The following VAPB variants were observed in gnomAD, a reference collection of about 807,000 sequenced individuals.
VAPB encodes vesicle-associated membrane protein-associated protein B/C.
Under a neutral mutation model 25.6 loss-of-function variants are expected in VAPB, and 7 were observed. The observed-to-expected ratio is 0.27, with a 90% CI of 0.16 to 0.51. VAPB has a LOEUF of 0.51. Among genes scored for constraint, VAPB ranks in the 20% least tolerant of loss-of-function variants. VAPB has a pLI of 0.97. For missense variants in VAPB, 266 were observed against 301.3 expected, an observed-to-expected ratio of 0.88 and a Z score of 0.87; for synonymous variants, 112 against 109.2, an observed-to-expected ratio of 1.03 and a Z score of -0.16.
Position 58,441,103 on chromosome 20 carries a change from T to C in VAPB, c.573+20T>C. ...TTCAAGGTAATAGTTTATTTTCTGGTAATCTACAGAAAACAAGGGCGTTTT... is the reference window on the plus strand; with the variant it reads ...TTCAAGGTAATAGTTTATTTTCTGGCAATCTACAGAAAACAAGGGCGTTTT... On this transcript the variant is annotated intron_variant, in intron 5 of 5. Coordinates refer to ENST00000475243, the MANE Select transcript of VAPB (RefSeq NM_004738.5). 1.2e-6 allele frequency: 2 copies of C among 1,612,642 alleles called. No homozygotes were observed. The highest frequency in any genetic ancestry group is 1.7e-6 in the Non-Finnish European group (2 of 1,179,076).
intron 2 of VAPB, among the ~76,000 whole-genome samples, chr20:58,419,000 A>G (rs1473556475): frequency 6.6e-6 from 1 of 152,224 alleles, no homozygotes; most frequent in African/African-American, 2.4e-5. Flanking sequence ...TGAGAATTGG[A>G]TTTCAGAATT....
intron 1 of VAPB, among the ~76,000 whole-genome samples, chr20:58,397,074 A>G (rs1035265025): frequency 1.5e-4 from 23 of 152,358 alleles, no homozygotes; most frequent in Non-Finnish European, 1.9e-4. Context: ...AAGAACATCA[A>G]TTCATTAAGA....
Position 58,450,693 on chromosome 20 carries a change from A to G in VAPB, c.*6458A>G. 2.2e-6 allele frequency: 1 copy of G among 453,960 alleles called. No homozygotes were observed. The highest frequency in any genetic ancestry group is 4.4e-6 in the Non-Finnish European group (1 of 226,750). The allele number at this position is 453,960 out of a possible 1,614,324, so 28.1% of individuals were successfully genotyped here. A position where few individuals can be genotyped will look rare whatever the true frequency, so the allele number is the denominator to read the frequency against. ...TGAAAAAAGATTCCCACAGTTTCTG[A>G]TGTGTGTGTTTATAGTCTTCAATGT... On this transcript the variant is annotated 3_prime_UTR_variant, in exon 6 of 6. Transcript: ENST00000475243.
chr20:58,424,346 G>T (rs574255013), intron 2 of VAPB, among the ~76,000 whole-genome samples: 1 of 152,132 alleles, frequency 6.6e-6, no homozygotes, highest in South Asian at 2.1e-4. Flanking sequence ...GTTGAAAGCG[G>T]CCCATGTGAC....
chr20:58,437,250 G>A (rs1326678813), intron 3 of VAPB, among the ~76,000 whole-genome samples: 2 of 151,744 alleles, frequency 1.3e-5, no homozygotes, highest in South Asian at 2.1e-4. Context: ...ACAGGTGTGA[G>A]CCACTGCACC....
intron 1 of VAPB, among the ~76,000 whole-genome samples, chr20:58,410,567 C>A (rs1165319368): frequency 1.3e-5 from 2 of 152,050 alleles, no homozygotes; most frequent in Non-Finnish European, 2.9e-5. Flanking sequence ...CAGGTGTGTG[C>A]CCCCACACCT....
At chr20:58,397,818 A>G (rs1300996835) in intron 1 of VAPB, among the ~76,000 whole-genome samples, 1 of 152,224 alleles carries the variant, frequency 6.6e-6, no homozygotes, top group Admixed American at 6.5e-5. Flanking sequence ...TTAATAAACT[A>G]GAGACTTGTC....
intron 2 of VAPB, among the ~76,000 whole-genome samples, chr20:58,433,779 G>A (rs973356282): frequency 2.0e-5 from 3 of 152,238 alleles, no homozygotes; most frequent in Non-Finnish European, 4.4e-5. Flanking sequence ...CACTGTTGTG[G>A]TCAAGGCCAC....
chr20:58,414,233 C>G (rs1988466479), intron 1 of VAPB, among the ~76,000 whole-genome samples: 1 of 144,288 alleles, frequency 6.9e-6, no homozygotes, highest in South Asian at 2.3e-4. Context: ...GCTGACCCCC[C>G]AACCTCCCTC....
chr20:58,422,626 T>C (rs530079401), intron 2 of VAPB, among the ~76,000 whole-genome samples: 2 of 152,078 alleles, frequency 1.3e-5, no homozygotes, highest in African/African-American at 4.8e-5. Context: ...TTTTTAGTGC[T>C]TCAGTTAATA....
At chr20:58,433,218 G>A (rs1988964910) in intron 2 of VAPB, among the ~76,000 whole-genome samples, 1 of 152,196 alleles carries the variant, frequency 6.6e-6, no homozygotes, top group Admixed American at 6.5e-5. Context: ...GGTGAAAGGG[G>A]TGCTAGACTG....
intron 1 of VAPB, among the ~76,000 whole-genome samples, chr20:58,405,742 C>CA (rs1171410619): frequency 2.3e-5 from 1 of 43,454 alleles, no homozygotes; most frequent in Non-Finnish European, 3.8e-5. Context: ...GGCCAGGAGC[C>CA]TTTTTTTTTT....
chr20:58,436,430 C>T (rs1004521027), intron 3 of VAPB, among the ~76,000 whole-genome samples: 5 of 148,012 alleles, frequency 3.4e-5, no homozygotes, highest in Admixed American at 2.8e-4. Flanking sequence ...ACCTCCTGGG[C>T]TCAAGTGATC....
In VAPB at chr20:58,450,897, A is replaced by C. The variant is rs1465847098; in HGVS notation, c.*6662A>C. ...CATTTTGGTTTTCTGATATGTAATAAATTCATGGCTTGGCAGCTGACATGA... is the reference window on the plus strand; with the variant it reads ...CATTTTGGTTTTCTGATATGTAATACATTCATGGCTTGGCAGCTGACATGA... On this transcript the variant is annotated 3_prime_UTR_variant, in exon 6 of 6. Coordinates refer to ENST00000475243, the MANE Select transcript of VAPB (RefSeq NM_004738.5). 2.2e-6 allele frequency: 1 copy of C among 454,026 alleles called. No individual in the cohort carries two copies. The highest frequency in any genetic ancestry group is 4.4e-6 in the Non-Finnish European group (1 of 226,806). The allele number at this position is 454,026 out of a possible 1,614,324, so 28.1% of individuals were successfully genotyped here.
chr20:58,441,596 C>T (rs754689165), intron 5 of VAPB, among the ~76,000 whole-genome samples: 2 of 152,142 alleles, frequency 1.3e-5, no homozygotes, highest in Non-Finnish European at 2.9e-5. Context: ...GAGCTGAGAT[C>T]GTGCCACTGC....
Position 58,444,695 on chromosome 20 carries a change from G to A in VAPB, c.*460G>A, listed in dbSNP as rs546405355. ...ACGTGGCCCACTCCCGGCCCAGGCT[G>A]CTTTCCGTGTCTTCAGTTCTGTCCA... On this transcript the variant is annotated 3_prime_UTR_variant, in exon 6 of 6. Coordinates refer to ENST00000475243, the MANE Select transcript of VAPB (RefSeq NM_004738.5). The A allele has an allele frequency of 5.9e-5, 27 of 454,514 alleles. No homozygotes were observed. The highest frequency in any genetic ancestry group is 4.6e-4 in the African/African-American group (23 of 50,162). 28.2% of individuals were successfully genotyped at this position (454,514 alleles called of 1,614,324 possible).
intron 1 of VAPB, among the ~76,000 whole-genome samples, chr20:58,401,819 A>G (rs6015268): frequency 0.21 from 32,415 of 152,064 alleles, 3,963 homozygotes; most frequent in African/African-American, 0.32. Context: ...GCATGACCCA[A>G]GCTGAACTCT....
At position 58,445,684 on chromosome 20, in the gene VAPB, CTG is replaced by C. The variant is rs138225455; in HGVS notation, c.*1485_*1486del. The C allele has an allele frequency of 0.07, 28,070 of 402,420 alleles. 597 individuals carry two copies. Among genetic ancestry groups the C allele is most frequent in the East Asian group, 0.24 (3,188 of 13,038 alleles). 24.9% of individuals were successfully genotyped at this position (402,420 alleles called of 1,614,324 possible). A position where few individuals can be genotyped will look rare whatever the true frequency, so the allele number is the denominator to read the frequency against. ...GAAATACGTGTTTCATGATTTAACT[CTG>C]TGTGTGTGTGTGTGTGTGTGTGTGT... is the stretch of plus-strand genomic sequence containing the variant. On this transcript the variant is annotated 3_prime_UTR_variant, in exon 6 of 6. Transcript: ENST00000475243.
intron 2 of VAPB, among the ~76,000 whole-genome samples, chr20:58,428,445 G>T (rs143877468): frequency 5.3e-5 from 8 of 152,198 alleles, no homozygotes; most frequent in Admixed American, 1.3e-4. Context: ...TTGGTGTAGC[G>T]TAACAGTGCT....
Sources: gnomAD v4.1 joint callset for allele counts (sites outside exome capture counted in the v4.1 genomes callset) on GRCh38, gnomAD v4.1.1 for gene constraint, MANE v1.5 for transcripts, NCBI Gene and HGNC (gene_info 2026-07-23, HGNC 2026-07-21) for gene names.